The following MSRA variants were observed in gnomAD, a reference collection of about 807,000 sequenced individuals.
MSRA encodes mitochondrial peptide methionine sulfoxide reductase.
In MSRA, 54 loss-of-function variants were observed where a neutral mutation model predicts 31.3. That is an observed-to-expected ratio of 1.73 (90% CI 1.39 to 2.17). The LOEUF is 2.17. MSRA is among the 30% of genes most tolerant of loss of function. The pLI is 0.00. For missense variants in MSRA, 507 were observed against 300.9 expected, an observed-to-expected ratio of 1.69 and a Z score of -5.07; for synonymous variants, 169 against 116.5, an observed-to-expected ratio of 1.45 and a Z score of -2.90.
intron 1 of MSRA, among the ~76,000 whole-genome samples, chr8:10,156,672 A>G (rs746988181): frequency 6.6e-6 from 1 of 152,104 alleles, no homozygotes; most frequent in Non-Finnish European, 1.5e-5. Flanking sequence ...CAAGATGAGC[A>G]TATTCTTCCT....
intron 3 of MSRA, among the ~76,000 whole-genome samples, chr8:10,288,798 C>T (rs1439245339): frequency 6.6e-6 from 1 of 152,186 alleles, no homozygotes; most frequent in Non-Finnish European, 1.5e-5. Flanking sequence ...AAATAATGTA[C>T]TATCCAAGTT....
At chr8:10,233,140 C>T (rs1376494955) in intron 2 of MSRA, among the ~76,000 whole-genome samples, 1 of 152,164 alleles carries the variant, frequency 6.6e-6, no homozygotes, top group Non-Finnish European at 1.5e-5. Flanking sequence ...GGAAGAGGTA[C>T]CTTTTATGCT....
rs986753046 is a variant in MSRA, at chr8:10,320,741, C to T, written c.543+752C>T. Among the ~76,000 whole-genome samples the T allele has an allele frequency of 2.6e-5, 4 of 152,190 alleles. No homozygotes were observed. The South Asian group carries it at 8.3e-4, about 32-fold the overall frequency. ...AAGGTGTCGGCAGGGCTGGTTCCTT[C>T]TGAGTGCTGTGAGGGAAGGGAAGGA... On this transcript the variant is annotated intron_variant, in intron 5 of 5. Transcript: ENST00000317173.
Position 10,353,030 on chromosome 8 carries a change from T to A in MSRA, c.543+33041T>A, listed in dbSNP as rs186487863. Among the ~76,000 whole-genome samples the A allele has an allele frequency of 2.6e-5, 4 of 152,250 alleles. No homozygotes were observed. In the East Asian group the frequency reaches 7.7e-4, roughly 29 times the overall value. On this transcript the variant is annotated intron_variant, in intron 5 of 5. Transcript: ENST00000317173. ...CTGTGGTTGAAGTCATCTTGCCTGATACCATCTTCGTTTGGGTAGGGGGAG... is the reference window on the plus strand; with the variant it reads ...CTGTGGTTGAAGTCATCTTGCCTGAAACCATCTTCGTTTGGGTAGGGGGAG...
chr8:10,185,596 G>A (rs1806969679), intron 1 of MSRA, among the ~76,000 whole-genome samples: 1 of 152,180 alleles, frequency 6.6e-6, no homozygotes, highest in Non-Finnish European at 1.5e-5. Flanking sequence ...CATGACAGAA[G>A]AGGGAAAGAA....
At chr8:10,365,493 C>T (rs1035286028) in intron 5 of MSRA, among the ~76,000 whole-genome samples, 1 of 152,158 alleles carries the variant, frequency 6.6e-6, no homozygotes, top group Admixed American at 6.5e-5. Flanking sequence ...AAAGCAAATA[C>T]CAAATGGGTA....
intron 5 of MSRA, among the ~76,000 whole-genome samples, chr8:10,420,125 C>T (rs7015777): frequency 0.15 from 22,249 of 151,996 alleles, 2,743 homozygotes; most frequent in East Asian, 0.51. Flanking sequence ...GGTATTCTGA[C>T]GCATGCCACC....
chr8:10,290,403 T>C (rs1585380346), intron 3 of MSRA, among the ~76,000 whole-genome samples: 1 of 152,138 alleles, frequency 6.6e-6, no homozygotes, highest in African/African-American at 2.4e-5. Flanking sequence ...TTTGGCTAGA[T>C]GACCTTTCAG....
intron 1 of MSRA, among the ~76,000 whole-genome samples, chr8:10,184,767 T>G (rs1033910479): frequency 2.6e-5 from 4 of 152,116 alleles, no homozygotes; most frequent in Admixed American, 1.3e-4. Flanking sequence ...AAAAGTTAGT[T>G]TACATGTCAA....
chr8:10,175,443 A>T (rs1391842785), intron 1 of MSRA, among the ~76,000 whole-genome samples: 1 of 152,252 alleles, frequency 6.6e-6, no homozygotes, highest in African/African-American at 2.4e-5. Context: ...CAAGAATGTA[A>T]CACAGGATCA....
chr8:10,273,794 A>G (rs966612235), intron 3 of MSRA, among the ~76,000 whole-genome samples: 1 of 151,928 alleles, frequency 6.6e-6, no homozygotes, highest in African/African-American at 2.4e-5. Flanking sequence ...AGGCAACACA[A>G]ACTATTCCAA....
chr8:10,401,544 C>T (rs1053406847), intron 5 of MSRA, among the ~76,000 whole-genome samples: 2 of 152,192 alleles, frequency 1.3e-5, no homozygotes, highest in African/African-American at 2.4e-5. Context: ...CTGTATCCTG[C>T]AGCAATCTCA....
At chr8:10,139,181 A>G (rs547318244) in intron 1 of MSRA, among the ~76,000 whole-genome samples, 3 of 152,346 alleles carry the variant, frequency 2.0e-5, no homozygotes, top group East Asian at 3.9e-4. Context: ...TTGATATTTC[A>G]TCAGAAAGAA....
At chr8:10,210,675 C>T (rs991901803) in intron 2 of MSRA, among the ~76,000 whole-genome samples, 20 of 152,112 alleles carry the variant, frequency 1.3e-4, no homozygotes, top group East Asian at 3.9e-4. Context: ...TGTTTAGACC[C>T]GTTCTTCAGC....
intron 5 of MSRA, among the ~76,000 whole-genome samples, chr8:10,415,844 C>G (rs1808425890): frequency 6.6e-6 from 1 of 151,900 alleles, no homozygotes; most frequent in African/African-American, 2.4e-5. Flanking sequence ...TGTCAAATTC[C>G]CAGTTCAGTG....
intron 1 of MSRA, among the ~76,000 whole-genome samples, chr8:10,106,000 C>G (rs1424746959): frequency 6.6e-6 from 1 of 152,198 alleles, no homozygotes; most frequent in African/African-American, 2.4e-5. Context: ...AATTATACAT[C>G]TGTTTTAAAA....
intron 3 of MSRA, among the ~76,000 whole-genome samples, chr8:10,274,965 CTA>C (rs1198865048): frequency 2.0e-5 from 3 of 152,120 alleles, no homozygotes; most frequent in African/African-American, 7.2e-5. Context: ...CTCAATTAAA[CTA>C]ATATTATTTG....
rs528164051 is a variant in MSRA at position 10,207,442 on chromosome 8, T to C, written c.143-391T>C. Among the ~76,000 whole-genome samples the C allele has an allele frequency of 8.5e-5, 13 of 152,312 alleles. No homozygotes were observed. The South Asian group carries it at 1.9e-3, about 22-fold the overall frequency. Reference sequence around the variant, plus strand: ...ATACTGAGTGCATCAGTGTTCTGATTGTTAGGAGTCTGCAGGGGGACTCAC... The same window carrying C: ...ATACTGAGTGCATCAGTGTTCTGATCGTTAGGAGTCTGCAGGGGGACTCAC... On this transcript the variant is annotated intron_variant, in intron 1 of 5. Transcript: ENST00000317173.
chr8:10,348,015 G>A (rs547543165), intron 5 of MSRA, among the ~76,000 whole-genome samples: 1 of 152,300 alleles, frequency 6.6e-6, no homozygotes, highest in East Asian at 1.9e-4. Flanking sequence ...GTAGGCACAT[G>A]GTAAATATCT....
Sources: allele counts gnomAD v4.1 joint callset (sites outside exome capture counted in the v4.1 genomes callset), GRCh38; gene constraint gnomAD v4.1.1; transcripts MANE v1.5; gene names NCBI Gene and HGNC (gene_info 2026-07-23, HGNC 2026-07-21).